Variants in CCND2 observed in about 807,000 individuals in gnomAD.
CCND2 encodes cyclin D2.
CCND2 carries 6 observed loss-of-function variants against 30.2 expected under a neutral mutation model. The ratio of observed to expected loss-of-function variants is 0.20; its 90% CI spans 0.11 to 0.39. The LOEUF (loss-of-function observed/expected upper bound fraction) is 0.39. Ranked by LOEUF, CCND2 falls within the 10% of genes least tolerant of loss-of-function variation. The probability of loss-of-function intolerance (pLI) is 1.00; values close to 1 mark genes in which losing one functional copy is unlikely to be tolerated. For synonymous variants in CCND2, 150 were observed against 153.1 expected, an observed-to-expected ratio of 0.98 and a Z score of 0.15; for missense variants, 235 against 373.4, an observed-to-expected ratio of 0.63 and a Z score of 3.06.
chr12:4,290,017 C>G (rs1213720696), intron 4 of CCND2, among the ~76,000 whole-genome samples: 1 of 152,232 alleles, frequency 6.6e-6, no homozygotes, highest in Non-Finnish European at 1.5e-5. Context: ...CTGAAGAATG[C>G]TGGGCACTTC....
At chr12:4,294,059 C>G (rs1238469389) in intron 4 of CCND2, among the ~76,000 whole-genome samples, 1 of 152,210 alleles carries the variant, frequency 6.6e-6, no homozygotes, top group Non-Finnish European at 1.5e-5. Flanking sequence ...TCATTCAGCC[C>G]TTTGTCCCCC....
intron 2 of CCND2, 66 bp from the exon 3 acceptor site, chr12:4,278,694 G>A: frequency 5.1e-6 from 8 of 1,556,078 alleles, no homozygotes; most frequent in African/African-American, 1.4e-5. Context: ...CCAACCCCCA[G>A]CCCCCTACAC....
At position 4,285,213 on chromosome 12, in the gene CCND2, C is replaced by A. The variant is rs1864006854; in HGVS notation, c.572-3629C>A. Reference sequence around the variant, plus strand: ...ATGCTGCCTGGAACAGGGAGGAGCACATTGTCATGAGTCGATCAGAATGGA... The same window carrying A: ...ATGCTGCCTGGAACAGGGAGGAGCAAATTGTCATGAGTCGATCAGAATGGA... On this transcript the variant is annotated intron_variant, in intron 3 of 4. Transcript: ENST00000261254. The surrounding 1 kb of genome is among the most constrained non-coding windows in gnomAD (Gnocchi z 4.1). The A allele has an allele frequency of 3.5e-6, 3 of 851,546 alleles. No individual in the cohort carries two copies. In the South Asian group the frequency reaches 1.6e-4, roughly 46 times the overall value. 52.7% of individuals were successfully genotyped at this position (851,546 alleles called of 1,614,324 possible). A position where few individuals can be genotyped will look rare whatever the true frequency, so the allele number is the denominator to read the frequency against.
At chr12:4,296,444 C>T (rs549653833) in intron 4 of CCND2, among the ~76,000 whole-genome samples, 5 of 152,382 alleles carry the variant, frequency 3.3e-5, no homozygotes, top group South Asian at 2.1e-4. Flanking sequence ...GGAACCGCAT[C>T]GCTACGCCTA....
chr12:4,284,251 G>A (rs549431021), intron 3 of CCND2, among the ~76,000 whole-genome samples: 1 of 152,354 alleles, frequency 6.6e-6, no homozygotes, highest in Admixed American at 6.5e-5. Flanking sequence ...TGAATCCTCA[G>A]AACAGCACTA....
At chr12:4,278,518 T>G (rs1271438411) in intron 2 of CCND2, 2 of 404,676 alleles carry the variant, frequency 4.9e-6, no homozygotes, top group Non-Finnish European at 8.9e-6. Flanking sequence ...AAATAGAATC[T>G]TGGCAACAGC....
chr12:4,284,934 C>T (rs1413893881), intron 3 of CCND2, among the ~76,000 whole-genome samples: 1 of 152,054 alleles, frequency 6.6e-6, no homozygotes, highest in Non-Finnish European at 1.5e-5. Flanking sequence ...CAGGGTTTCA[C>T]CGTGTTGGCC....
chr12:4,296,265 T>C (rs1864167026), intron 4 of CCND2, among the ~76,000 whole-genome samples: 2 of 152,168 alleles, frequency 1.3e-5, no homozygotes, highest in Admixed American at 6.5e-5. Context: ...AAAAGATACA[T>C]TAACCCAGAT....
Position 4,273,980 on chromosome 12 carries a change from A to C in CCND2, c.-61A>C. 1 of 1,536,362 alleles carries C rather than the reference A, an allele frequency of 6.5e-7. No individual in the cohort carries two copies. The highest frequency in any genetic ancestry group is 1.2e-5 in the South Asian group (1 of 83,996). ...CTCCCCTCCCCTTCCAAAAAACAAA[A>C]ACAGAAAAACCTTTTTCCAGGCCGG... On this transcript the variant is annotated 5_prime_UTR_variant, in exon 1 of 5. Coordinates refer to ENST00000261254, the MANE Select transcript of CCND2 (RefSeq NM_001759.4). This position sits in a 1 kb window ranked among gnomAD's most constrained non-coding sequence, Gnocchi z 5.9.
In CCND2 at chr12:4,278,737, TCTC is replaced by T; in HGVS notation, c.412-22_412-20del. On this transcript the variant is annotated intron_variant, in intron 2 of 4. Coordinates refer to ENST00000261254, the MANE Select transcript of CCND2 (RefSeq NM_001759.4). ...GCCTGTGGAATTTAGATTCTCCTCT[TCTC>T]TTCCTGCCTTCCCCTCCAGGAGTGG... The T allele has an allele frequency of 6.2e-7, 1 of 1,612,820 alleles. No individual in the cohort carries two copies. Among genetic ancestry groups the T allele is most frequent in the Non-Finnish European group, 8.5e-7 (1 of 1,179,060 alleles).
At chr12:4,284,696 T>C (rs1475568724) in intron 3 of CCND2, among the ~76,000 whole-genome samples, 1 of 151,614 alleles carries the variant, frequency 6.6e-6, no homozygotes, top group African/African-American at 2.4e-5. Flanking sequence ...TCTCAAATGC[T>C]CCTCTTCACT....
At chr12:4,288,781 C>T (rs572861002) in intron 3 of CCND2, 61 bp from the exon 4 acceptor site, 27 of 1,537,230 alleles carry the variant, frequency 1.8e-5, no homozygotes, top group Admixed American at 1.9e-5. Flanking sequence ...TCTGCAGTCT[C>T]GGGAGCTCCA....
intron 4 of CCND2, among the ~76,000 whole-genome samples, chr12:4,291,624 A>G (rs1165933232): frequency 6.6e-6 from 1 of 152,230 alleles, no homozygotes; most frequent in Non-Finnish European, 1.5e-5. Context: ...CGAACCCTAA[A>G]TGCAGTAGGA....
At position 4,288,935 on chromosome 12, in the gene CCND2, C is replaced by T. The variant is rs762849458; in HGVS notation, c.665C>T (p.Ser222Leu). 2.5e-6 allele frequency: 4 copies of T among 1,613,720 alleles called. No homozygotes were observed. The highest frequency in any genetic ancestry group is 1.3e-5 in the African/African-American group (1 of 74,990). The change falls in exon 4 of 5, where the codon TCG (serine) becomes TTG (leucine). Residue 222 changes from serine to leucine, a missense_variant. Coordinates refer to ENST00000261254, the MANE Select transcript of CCND2 (RefSeq NM_001759.4). ...CTCCAGCAGGATGAGGAAGTGAGCT[C>T]GCTCACTTGTGATGCCCTGACTGAG... ...CGLQQDEEVSSLTCDALTELL... is the reference protein window; with the variant it reads ...CGLQQDEEVSLLTCDALTELL...
In CCND2 at chr12:4,302,265, C is replaced by T. The variant is rs1254840907; in HGVS notation, c.*2256C>T. The T allele has an allele frequency of 8.6e-6, 2 of 232,824 alleles. No individual in the cohort carries two copies. The highest frequency in any genetic ancestry group is 1.7e-5 in the Non-Finnish European group (2 of 117,776). 14.4% of individuals were successfully genotyped at this position (232,824 alleles called of 1,614,324 possible). ...AAATACATTGAACCAAGGGATCCTC[C>T]CTCCCCTTCAAGGCAGACGTTCAGT... On this transcript the variant is annotated 3_prime_UTR_variant, in exon 5 of 5. Transcript: ENST00000261254.
chr12:4,296,516 A>T (rs1864171287), intron 4 of CCND2, among the ~76,000 whole-genome samples: 1 of 152,252 alleles, frequency 6.6e-6, no homozygotes, highest in African/African-American at 2.4e-5. Context: ...TCGTGTGCAC[A>T]CGCACACACA....
rs772219810 is a variant in CCND2, at chr12:4,301,472, C to CTTT, written c.*1477_*1479dup. 4 of 208,212 alleles carry CTTT rather than the reference C, an allele frequency of 1.9e-5. No homozygotes were observed. The highest frequency in any genetic ancestry group is 2.5e-5 in the African/African-American group (1 of 40,042). 12.9% of individuals were successfully genotyped at this position (208,212 alleles called of 1,614,324 possible). A position where few individuals can be genotyped will look rare whatever the true frequency, so the allele number is the denominator to read the frequency against. ...GTTAGCAAAGAGGTTGGAGCAACAA[C>CTTT]TTTTTTTTTTTTTTTTGCACAATTG... On this transcript the variant is annotated 3_prime_UTR_variant, in exon 5 of 5. Transcript: ENST00000261254.
intron 4 of CCND2, among the ~76,000 whole-genome samples, chr12:4,292,832 C>T (rs1038898007): frequency 2.6e-5 from 4 of 152,278 alleles, no homozygotes; most frequent in Non-Finnish European, 1.5e-5. Context: ...GGCCTGGGTC[C>T]CCGGTGACCA....
At position 4,300,073 on chromosome 12, in the gene CCND2, G is replaced by T; in HGVS notation, c.*64G>T. The T allele has an allele frequency of 6.8e-7, 1 of 1,475,280 alleles. No individual in the cohort carries two copies. The highest frequency in any genetic ancestry group is 9.1e-7 in the Non-Finnish European group (1 of 1,100,420). 91.4% of individuals were successfully genotyped at this position (1,475,280 alleles called of 1,614,324 possible). On this transcript the variant is annotated 3_prime_UTR_variant, in exon 5 of 5. Coordinates refer to ENST00000261254, the MANE Select transcript of CCND2 (RefSeq NM_001759.4). ...ATCTGGTCTCTTCTTCTTTCTGGTT[G>T]TTTTTGTTCTTTGTGTTTTAGGGTG...
Sources: allele counts gnomAD v4.1 joint callset (sites outside exome capture counted in the v4.1 genomes callset), GRCh38; gene constraint gnomAD v4.1.1; non-coding constraint Gnocchi (gnomAD v3.1); transcripts MANE v1.5; gene names NCBI Gene and HGNC (gene_info 2026-07-23, HGNC 2026-07-21).